Variants in TNFSF4 observed in about 807,000 individuals in gnomAD.
The protein encoded by TNFSF4 is tumor necrosis factor ligand superfamily member 4.
Under a neutral mutation model 7.3 loss-of-function variants are expected in TNFSF4, and 4 were observed. The ratio of observed to expected loss-of-function variants is 0.55; its 90% CI spans 0.27 to 1.25. TNFSF4 has a LOEUF of 1.25. Among genes scored for constraint, TNFSF4 ranks in the 50% most tolerant of loss-of-function variants. TNFSF4 has a pLI of 0.12. For synonymous variants in TNFSF4, 76 were observed against 83.7 expected (o/e 0.91, Z 0.50); for missense variants, 181 against 208.8 (o/e 0.87, Z 0.82).
the TNFSF4 span, among the ~76,000 whole-genome samples, chr1:173,319,575 A>T: frequency 6.6e-6 from 1 of 152,212 alleles, no homozygotes; most frequent in South Asian, 2.1e-4. Flanking sequence ...AGAACACCCA[A>T]CAGGGGTTGA....
the TNFSF4 span, among the ~76,000 whole-genome samples, chr1:173,324,316 G>C: frequency 3.9e-5 from 6 of 152,184 alleles, no homozygotes; most frequent in African/African-American, 1.4e-4. Flanking sequence ...CAAATGCTGA[G>C]AGATTTTGTC....
chr1:173,369,135 T>C, the TNFSF4 span, among the ~76,000 whole-genome samples: 1 of 152,128 alleles, frequency 6.6e-6, no homozygotes, highest in African/African-American at 2.4e-5. Flanking sequence ...GGGGATATCA[T>C]TCCCATTCAT....
At chr1:173,348,680 C>T in the TNFSF4 span, among the ~76,000 whole-genome samples, 1 of 152,096 alleles carries the variant, frequency 6.6e-6, no homozygotes, top group African/African-American at 2.4e-5. Context: ...TCAAGAAAAA[C>T]AGAAAAGGCA....
the TNFSF4 span, among the ~76,000 whole-genome samples, chr1:173,307,152 TCTA>T: frequency 9.2e-5 from 14 of 151,930 alleles, no homozygotes; most frequent in African/African-American, 3.1e-4. Flanking sequence ...CAATTCATTC[TCTA>T]CTTTTTCCCA....
At chr1:173,373,356 G>A in the TNFSF4 span, among the ~76,000 whole-genome samples, 7 of 152,302 alleles carry the variant, frequency 4.6e-5, no homozygotes, top group African/African-American at 1.7e-4. Context: ...ACCTATGGAA[G>A]GACCCTTGGT....
At chr1:173,420,421 C>T in the TNFSF4 span, among the ~76,000 whole-genome samples, 1 of 152,200 alleles carries the variant, frequency 6.6e-6, no homozygotes, top group African/African-American at 2.4e-5. Context: ...CTTGACGGCT[C>T]TTACTGTCAT....
the TNFSF4 span, among the ~76,000 whole-genome samples, chr1:173,330,360 A>T: frequency 3.3e-5 from 5 of 151,108 alleles, no homozygotes; most frequent in African/African-American, 1.2e-4. Flanking sequence ...TTGTTAATAA[A>T]TTATTAATAT....
At chr1:173,329,380 A>G in the TNFSF4 span, among the ~76,000 whole-genome samples, 1 of 152,200 alleles carries the variant, frequency 6.6e-6, no homozygotes, top group Non-Finnish European at 1.5e-5. Context: ...GAATGATGAC[A>G]AGGAAAAATA....
At chr1:173,327,257 G>A in the TNFSF4 span, among the ~76,000 whole-genome samples, 1 of 152,176 alleles carries the variant, frequency 6.6e-6, no homozygotes, top group Non-Finnish European at 1.5e-5. Context: ...ACAAAAACAA[G>A]CAATGGGGAA....
intron 1 of TNFSF4, among the ~76,000 whole-genome samples, chr1:173,193,939 C>A (rs1649591325): frequency 6.6e-6 from 1 of 152,170 alleles, no homozygotes; most frequent in Non-Finnish European, 1.5e-5. Flanking sequence ...ATTAGAATCA[C>A]CACCAAAATA....
the TNFSF4 span, among the ~76,000 whole-genome samples, chr1:173,447,348 T>C: frequency 6.6e-6 from 1 of 152,198 alleles, no homozygotes; most frequent in Non-Finnish European, 1.5e-5. Flanking sequence ...CCACAGAATC[T>C]GCAACACCAA....
chr1:173,228,528 C>T, the TNFSF4 span, among the ~76,000 whole-genome samples: 1 of 152,122 alleles, frequency 6.6e-6, no homozygotes, highest in Admixed American at 6.5e-5. Context: ...CGCCTCTCCC[C>T]CCTCCAAAGG....
chr1:173,300,089 A>C, the TNFSF4 span, among the ~76,000 whole-genome samples: 1 of 140,088 alleles, frequency 7.1e-6, no homozygotes, highest in Non-Finnish European at 1.5e-5. Context: ...TACTTCCCCC[A>C]AAATAGATGG....
At chr1:173,217,604 C>T in the TNFSF4 span, among the ~76,000 whole-genome samples, 1 of 152,134 alleles carries the variant, frequency 6.6e-6, no homozygotes, top group Non-Finnish European at 1.5e-5. Context: ...AATTGGTAAA[C>T]ATTATAAATT....
the TNFSF4 span, among the ~76,000 whole-genome samples, chr1:173,360,554 C>T: frequency 6.6e-6 from 1 of 152,316 alleles, no homozygotes; most frequent in East Asian, 1.9e-4. Context: ...AAGATCCAAC[C>T]AGCTTGTTGC....
chr1:173,265,479 G>C, the TNFSF4 span, among the ~76,000 whole-genome samples: 12 of 152,270 alleles, frequency 7.9e-5, no homozygotes, highest in African/African-American at 2.9e-4. Flanking sequence ...TTTCTGATGG[G>C]CTATTTTATG....
At chr1:173,290,754 TC>T in the TNFSF4 span, among the ~76,000 whole-genome samples, 1 of 152,080 alleles carries the variant, frequency 6.6e-6, no homozygotes, top group African/African-American at 2.4e-5. Flanking sequence ...TACAGAATAC[TC>T]CACCCAACAA....
chr1:173,299,595 A>T, the TNFSF4 span, among the ~76,000 whole-genome samples: 2 of 151,972 alleles, frequency 1.3e-5, no homozygotes, highest in Non-Finnish European at 2.9e-5. Context: ...GTGTTTTAGC[A>T]AAAGATCCAC....
the TNFSF4 span, among the ~76,000 whole-genome samples, chr1:173,370,726 A>G: frequency 6.6e-6 from 1 of 152,186 alleles, no homozygotes; most frequent in East Asian, 1.9e-4. Context: ...TGGCAACATC[A>G]GTATTCTATA....
Sources: allele counts gnomAD v4.1 joint callset (sites outside exome capture counted in the v4.1 genomes callset), GRCh38; gene constraint gnomAD v4.1.1; transcripts MANE v1.5; gene names NCBI Gene and HGNC (gene_info 2026-07-23, HGNC 2026-07-21).